The following XIRP2 variants were observed in gnomAD, a reference collection of about 807,000 sequenced individuals.
XIRP2 encodes the protein xin actin binding repeat containing 2.
Under a neutral mutation model 277.0 loss-of-function variants are expected in XIRP2, and 236 were observed. The observed-to-expected ratio is 0.85, with a 90% CI of 0.77 to 0.95. The LOEUF (loss-of-function observed/expected upper bound fraction) is 0.95, where lower values mean the gene tolerates loss of function less well. Among genes scored for constraint, XIRP2 ranks in the 40% least tolerant of loss-of-function variants. The probability of loss-of-function intolerance (pLI) is 0.00; values close to 1 mark genes in which losing one functional copy is unlikely to be tolerated. For synonymous variants in XIRP2, 1,490 were observed against 1,416.5 expected (o/e 1.05, Z -1.17); for missense variants, 4,640 against 4,157.5 (o/e 1.12, Z -3.19).
chr2:167,092,348 T>A (rs1690171767), intron 2 of XIRP2, among the ~76,000 whole-genome samples: 1 of 152,126 alleles, frequency 6.6e-6, no homozygotes, highest in Non-Finnish European at 1.5e-5. Context: ...GCAAGTGGTA[T>A]TTTCATGCTT....
chr2:166,909,671 G>A (rs1027016503), intron 2 of XIRP2, among the ~76,000 whole-genome samples: 4 of 152,206 alleles, frequency 2.6e-5, no homozygotes, highest in African/African-American at 7.2e-5. Flanking sequence ...GGAGTGGTGA[G>A]AGAGGGCATC....
At chr2:166,976,429 T>C (rs1476504667) in intron 2 of XIRP2, among the ~76,000 whole-genome samples, 2 of 152,246 alleles carry the variant, frequency 1.3e-5, no homozygotes, top group Non-Finnish European at 2.9e-5. Context: ...ATAAATGTTT[T>C]CTATTATTCC....
At chr2:167,231,593 A>G (rs1009941650) in intron 5 of XIRP2, among the ~76,000 whole-genome samples, 5 of 151,248 alleles carry the variant, frequency 3.3e-5, no homozygotes, top group African/African-American at 4.9e-5. Flanking sequence ...CATCAAAACC[A>G]TTTTCTATTC....
At chr2:166,943,638 T>C (rs1027902893) in intron 2 of XIRP2, among the ~76,000 whole-genome samples, 1 of 152,228 alleles carries the variant, frequency 6.6e-6, no homozygotes, top group African/African-American at 2.4e-5. Flanking sequence ...AAGAGCATGA[T>C]TGTCTCATGT....
chr2:167,232,367 G>A (rs975038874), intron 5 of XIRP2, among the ~76,000 whole-genome samples: 3 of 151,882 alleles, frequency 2.0e-5, no homozygotes, highest in Non-Finnish European at 4.4e-5. Flanking sequence ...TGGTTTGGAA[G>A]TGTCACAATA....
At position 167,245,966 on chromosome 2, in the gene XIRP2, C is replaced by T; in HGVS notation, c.4574C>T (p.Thr1525Ile). 6.2e-7 allele frequency: 1 copy of T among 1,613,516 alleles called. No homozygotes were observed. The highest frequency in any genetic ancestry group is 2.2e-5 in the East Asian group (1 of 44,828). Reference protein sequence around the residue: ...EEIPPSDVKTTTWLFETTPLH... With the variant: ...EEIPPSDVKTITWLFETTPLH... ...ATCCCTCCTTCTGATGTCAAAACAA[C>T]CACATGGCTCTTTGAAACAACACCA... Residue 1525 changes from threonine to isoleucine, a missense_variant, in exon 9 of 11, where the codon ACC becomes ATC. By Grantham distance (89) the Thr-to-Ile change is moderately conservative. Coordinates refer to ENST00000409195, the MANE Select transcript of XIRP2 (RefSeq NM_152381.6).
chr2:166,947,113 A>T (rs566927790), intron 2 of XIRP2, among the ~76,000 whole-genome samples: 1 of 152,328 alleles, frequency 6.6e-6, no homozygotes, highest in Non-Finnish European at 1.5e-5. Context: ...TATAAATAAA[A>T]GTTTGAAATT....
chr2:167,223,236 A>G (rs1022100308), intron 5 of XIRP2, among the ~76,000 whole-genome samples: 1 of 152,056 alleles, frequency 6.6e-6, no homozygotes, highest in Non-Finnish European at 1.5e-5. Context: ...TAGCATAAGT[A>G]GGAAAGAGCA....
intron 2 of XIRP2, among the ~76,000 whole-genome samples, chr2:167,003,406 G>T (rs1280265023): frequency 6.6e-6 from 1 of 151,810 alleles, no homozygotes; most frequent in Non-Finnish European, 1.5e-5. Flanking sequence ...CAGTTGGGGG[G>T]TTAGAAACCT....
chr2:167,199,517 G>A (rs1693618020), intron 3 of XIRP2, among the ~76,000 whole-genome samples: 1 of 152,170 alleles, frequency 6.6e-6, no homozygotes, highest in African/African-American at 2.4e-5. Context: ...ATCATTTGAG[G>A]AAAAAGATTT....
chr2:167,252,608 C>T (rs1034432430), intron 9 of XIRP2, among the ~76,000 whole-genome samples: 1 of 151,810 alleles, frequency 6.6e-6, no homozygotes, highest in Non-Finnish European at 1.5e-5. Context: ...GTAAACAATG[C>T]ATTTAAAAAT....
intron 3 of XIRP2, among the ~76,000 whole-genome samples, chr2:167,176,690 T>C (rs929119213): frequency 3.3e-5 from 5 of 152,154 alleles, no homozygotes; most frequent in African/African-American, 2.4e-5. Flanking sequence ...AGGTTGTTAG[T>C]GTGGGGTAAG....
At position 167,160,883 on chromosome 2, in the gene XIRP2, C is replaced by T. The variant is rs191882659; in HGVS notation, c.562+24821C>T. Reference sequence around the variant, plus strand: ...CATCTGAGACAAGGCAAGTTCCTTCCGCCTGTGAGCCTGTAAAATCGAAAG... The same window carrying T: ...CATCTGAGACAAGGCAAGTTCCTTCTGCCTGTGAGCCTGTAAAATCGAAAG... On this transcript the variant is annotated intron_variant, in intron 3 of 10. Transcript: ENST00000409195. 1.6e-4 allele frequency among the ~76,000 whole-genome samples: 25 copies of T among 152,292 alleles called. No homozygotes were observed. The East Asian group carries it at 1.7e-3, about 11-fold the overall frequency.
At chr2:167,049,918 G>A (rs1688875309) in intron 2 of XIRP2, among the ~76,000 whole-genome samples, 2 of 151,886 alleles carry the variant, frequency 1.3e-5, no homozygotes, top group Non-Finnish European at 2.9e-5. Flanking sequence ...CTTTAGCTAC[G>A]GCTGCTATTT....
intron 2 of XIRP2, among the ~76,000 whole-genome samples, chr2:166,976,169 T>C (rs1003084122): frequency 3.3e-5 from 5 of 152,094 alleles, no homozygotes; most frequent in African/African-American, 1.2e-4. Context: ...AGATCTGCAA[T>C]GGTGAGGTCT....
chr2:166,970,916 T>G (rs1204332602), intron 2 of XIRP2, among the ~76,000 whole-genome samples: 1 of 151,746 alleles, frequency 6.6e-6, no homozygotes, highest in Admixed American at 6.6e-5. Flanking sequence ...AAGGTAGAAA[T>G]AGAAGCCAAT....
At chr2:167,216,168 C>G (rs1694242566) in intron 4 of XIRP2, among the ~76,000 whole-genome samples, 1 of 99,546 alleles carries the variant, frequency 1.0e-5, no homozygotes, top group Non-Finnish European at 2.0e-5. Context: ...AGACCTAAAA[C>G]CATAAAAACC....
rs1038988445 is a variant in XIRP2 at position 167,244,513 on chromosome 2, G to T, written c.3121G>T (p.Gly1041Ter). The T allele has an allele frequency of 6.2e-7, 1 of 1,613,336 alleles. No individual in the cohort carries two copies. The highest frequency in any genetic ancestry group is 1.3e-5 in the African/African-American group (1 of 74,852). ...CATTCATAAATTTCAAATAATTAGA[G>T]GAATATCTGCTCAAGAAATACAGAC... The part of the protein sequence containing the change: ...ESIHKFQIIR[G>*]ISAQEIQTGN... Residue 1041 changes from glycine (G) to a stop codon, truncating the protein, a stop_gained, in exon 9 of 11, where the codon GGA becomes TGA. Transcript: ENST00000409195. LOFTEE classifies it high-confidence loss of function.
At chr2:167,202,297 G>C (rs866385728) in intron 3 of XIRP2, among the ~76,000 whole-genome samples, 6 of 152,094 alleles carry the variant, frequency 3.9e-5, no homozygotes, top group African/African-American at 1.2e-4. Context: ...AGTATGATTA[G>C]ATTTTCGTAT....
Sources: gnomAD v4.1 joint callset for allele counts (sites outside exome capture counted in the v4.1 genomes callset) on GRCh38, gnomAD v4.1.1 for gene constraint, MANE v1.5 for transcripts, NCBI Gene and HGNC (gene_info 2026-07-23, HGNC 2026-07-21) for gene names.